Variants in TENM1 observed in about 807,000 individuals in gnomAD.
TENM1 encodes the protein teneurin-1.
Under a neutral mutation model 174.8 loss-of-function variants are expected in TENM1, and 35 were observed. The observed-to-expected ratio is 0.20, with a 90% CI of 0.15 to 0.27. The LOEUF (loss-of-function observed/expected upper bound fraction) is 0.27. Among genes scored for constraint, TENM1 ranks in the 10% least tolerant of loss-of-function variants. TENM1 has a pLI of 1.00. For missense variants in TENM1, 1,633 were observed against 2,130.1 expected, an observed-to-expected ratio of 0.77 and a Z score of 4.59; for synonymous variants, 781 against 798.7, an observed-to-expected ratio of 0.98 and a Z score of 0.37.
the TENM1 span, among the ~76,000 whole-genome samples, chrX:125,196,013 CGAAG>C: frequency 0.07 from 6,300 of 90,624 alleles, 181 homozygotes; most frequent in Non-Finnish European, 0.084. Context: ...AAAGAAGGAA[CGAAG>C]GAAGGAAGGA....
At chrX:125,066,168 G>C in the TENM1 span, among the ~76,000 whole-genome samples, 1 of 111,844 alleles carries the variant, frequency 8.9e-6, no homozygotes, top group Non-Finnish European at 1.9e-5. Context: ...TAGGAAGCTG[G>C]TAACTAAGAG....
chrX:125,161,039 T>TA, the TENM1 span, among the ~76,000 whole-genome samples: 16,080 of 53,375 alleles, frequency 0.3, 1,586 homozygotes, highest in Middle Eastern at 0.36. Context: ...GGCCAAAAAG[T>TA]AAAAAAAAAA....
chrX:124,716,348 C>T (rs1049487867), intron 4 of TENM1, among the ~76,000 whole-genome samples: 3 of 111,864 alleles, frequency 2.7e-5, no homozygotes, highest in South Asian at 3.8e-4. Flanking sequence ...TGTGGTCCTG[C>T]GACTGAGTTC....
intron 3 of TENM1, among the ~76,000 whole-genome samples, chrX:124,791,150 A>C (rs1393667170): frequency 1.8e-5 from 2 of 112,421 alleles, no homozygotes; most frequent in East Asian, 5.6e-4. Flanking sequence ...TAAATTTACC[A>C]ATTATCTGCC....
At chrX:124,897,029 A>G (rs187880742) in intron 1 of TENM1, among the ~76,000 whole-genome samples, 104 of 111,521 alleles carry the variant, frequency 9.3e-4, no homozygotes, top group Middle Eastern at 4.6e-3. Flanking sequence ...AATAAACTCC[A>G]GAGGATAGAT....
chrX:125,065,631 C>T, the TENM1 span, among the ~76,000 whole-genome samples: 1 of 112,282 alleles, frequency 8.9e-6, no homozygotes, highest in East Asian at 2.8e-4. Flanking sequence ...CTTGATAGAA[C>T]TTATGTTGAG....
chrX:124,658,441 A>G (rs1259417204), intron 6 of TENM1, among the ~76,000 whole-genome samples: 3 of 111,720 alleles, frequency 2.7e-5, no homozygotes, highest in Non-Finnish European at 5.6e-5. Flanking sequence ...AATATATTTG[A>G]CATTTTAGTC....
chrX:124,648,203 G>A (rs1013729816), intron 8 of TENM1, among the ~76,000 whole-genome samples: 8 of 112,020 alleles, frequency 7.1e-5, no homozygotes, highest in South Asian at 3.7e-4. Flanking sequence ...GCTTTAAATA[G>A]TAACCTTCCA....
chrX:125,013,010 G>A, the TENM1 span, among the ~76,000 whole-genome samples: 1 of 111,812 alleles, frequency 8.9e-6, no homozygotes, highest in African/African-American at 3.2e-5. Context: ...GGTAACAGCA[G>A]TGTTTCACTT....
At chrX:124,386,994 A>G (rs759439442) in intron 28 of TENM1, among the ~76,000 whole-genome samples, 2 of 107,778 alleles carry the variant, frequency 1.9e-5, no homozygotes, top group Non-Finnish European at 3.8e-5. Flanking sequence ...TATGTTTCAG[A>G]GGAAGGTAAA....
chrX:124,683,017 A>T (rs1401289014), intron 5 of TENM1, among the ~76,000 whole-genome samples: 3 of 111,989 alleles, frequency 2.7e-5, no homozygotes, highest in Non-Finnish European at 5.6e-5. Context: ...TGACAATAGA[A>T]GAAACTATGA....
At chrX:124,803,317 C>G (rs1304051986) in intron 3 of TENM1, among the ~76,000 whole-genome samples, 2 of 112,173 alleles carry the variant, frequency 1.8e-5, no homozygotes, top group African/African-American at 6.5e-5. Flanking sequence ...GAGGCAACCA[C>G]TACCTTCAAG....
At chrX:124,900,247 A>T (rs2057635625) in intron 1 of TENM1, among the ~76,000 whole-genome samples, 1 of 112,245 alleles carries the variant, frequency 8.9e-6, no homozygotes, top group Admixed American at 9.5e-5. Context: ...TAACAATGTT[A>T]TGGACTTCAA....
chrX:124,967,164 G>C (rs1476744350), upstream of TENM1, among the ~76,000 whole-genome samples: 2 of 111,524 alleles, frequency 1.8e-5, no homozygotes, highest in Admixed American at 9.5e-5. Context: ...ATTCCATTGA[G>C]CATCTATAAC....
chrX:125,160,290 G>C, the TENM1 span, among the ~76,000 whole-genome samples: 1 of 106,805 alleles, frequency 9.4e-6, no homozygotes, highest in Admixed American at 1.0e-4. Flanking sequence ...TTGGGAGGCT[G>C]AGGCAGGTGG....
chrX:124,898,658 A>G (rs1050412758), intron 1 of TENM1, among the ~76,000 whole-genome samples: 1 of 111,579 alleles, frequency 9.0e-6, no homozygotes, highest in Admixed American at 9.7e-5. Flanking sequence ...CCAGATTAAT[A>G]AAACACCAGA....
chrX:125,192,276 G>A, the TENM1 span, among the ~76,000 whole-genome samples: 1 of 112,314 alleles, frequency 8.9e-6, no homozygotes, highest in South Asian at 3.7e-4. Context: ...AGAAGGTTAT[G>A]AGCAATGTTT....
chrX:125,163,847 ATAACT>A, the TENM1 span, among the ~76,000 whole-genome samples: 2 of 111,525 alleles, frequency 1.8e-5, no homozygotes, highest in Non-Finnish European at 3.8e-5. Context: ...GCTACTCTTG[ATAACT>A]TAAGTCTGTT....
chrX:125,127,392 T>C, the TENM1 span, among the ~76,000 whole-genome samples: 2 of 111,454 alleles, frequency 1.8e-5, no homozygotes, highest in African/African-American at 6.5e-5. Flanking sequence ...TTGTAATATG[T>C]TGGCATTTTA....
Sources: gnomAD v4.1 joint callset for allele counts (sites outside exome capture counted in the v4.1 genomes callset) on GRCh38, gnomAD v4.1.1 for gene constraint, MANE v1.5 for transcripts, NCBI Gene and HGNC (gene_info 2026-07-23, HGNC 2026-07-21) for gene names.